The following SASH1 variants were observed in gnomAD, a reference collection of about 807,000 sequenced individuals.
The protein encoded by SASH1 is SAM and SH3 domain containing 1, also known as SAM and SH3 domain-containing protein 1.
A neutral mutation model predicts 125.2 loss-of-function variants in SASH1; 44 were observed. That is an observed-to-expected ratio of 0.35 (90% CI 0.28 to 0.45). SASH1 has a LOEUF of 0.45. Ranked by LOEUF, SASH1 falls within the 20% of genes least tolerant of loss-of-function variation. SASH1 has a pLI of 1.00. For synonymous variants in SASH1, 639 were observed against 649.1 expected (o/e 0.98, Z 0.24); for missense variants, 1,426 against 1,614.5 (o/e 0.88, Z 2.00).
chr6:148,206,268 T>C, the SASH1 span, among the ~76,000 whole-genome samples: 2 of 152,134 alleles, frequency 1.3e-5, no homozygotes, highest in African/African-American at 4.8e-5. Context: ...CCTAGAAACA[T>C]ACCTTCATAA....
chr6:148,207,168 G>A, the SASH1 span, among the ~76,000 whole-genome samples: 1 of 152,150 alleles, frequency 6.6e-6, no homozygotes, highest in Non-Finnish European at 1.5e-5. Context: ...ATGTCCTCCA[G>A]AGCAGCACTG....
At chr6:148,292,008 T>C (rs1779648192) in intron 1 of SASH1, among the ~76,000 whole-genome samples, 1 of 152,054 alleles carries the variant, frequency 6.6e-6, no homozygotes, top group Non-Finnish European at 1.5e-5. Context: ...GTGGCTAGCA[T>C]CTTTAACACT....
intron 2 of SASH1, among the ~76,000 whole-genome samples, chr6:148,400,583 C>T (rs1393011147): frequency 6.6e-6 from 1 of 151,998 alleles, no homozygotes; most frequent in African/African-American, 2.4e-5. Context: ...AACCCTGTCT[C>T]TACAAAAAAA....
In SASH1 at chr6:148,407,249, C is replaced by T. The variant is rs150230861; in HGVS notation, c.285+16987C>T. ...AACAACTCCCTATTTCCCCTCCTCA[C>T]ATCTCCTGGCAGCCACCATTCTACT... On this transcript the variant is annotated intron_variant, in intron 2 of 19. Transcript: ENST00000367467. 5.3e-3 allele frequency among the ~76,000 whole-genome samples: 802 copies of T among 152,288 alleles called. 7 individuals carry two copies. The highest frequency in any genetic ancestry group is 0.018 in the African/African-American group (753 of 41,564).
chr6:148,547,623 T>C (rs1417282162), intron 19 of SASH1, among the ~76,000 whole-genome samples: 1 of 152,228 alleles, frequency 6.6e-6, no homozygotes, highest in Non-Finnish European at 1.5e-5. Context: ...TAAATCTTTG[T>C]AGACTTTAAA....
At position 148,455,633 on chromosome 6, in the gene SASH1, T is replaced by C. The variant is rs113873869; in HGVS notation, c.387-12912T>C. Among the ~76,000 whole-genome samples, 780 of 152,276 alleles carry C rather than the reference T, an allele frequency of 5.1e-3. 7 individuals carry two copies. The highest frequency in any genetic ancestry group is 0.018 in the African/African-American group (739 of 41,572). On this transcript the variant is annotated intron_variant, in intron 4 of 19. Transcript: ENST00000367467. ...TGCTTGGGAATTTAAAAATGAGATC[T>C]GAGAAGACAGGAAAACTTGAGTTTC...
chr6:148,487,140 T>C (rs1284322733), intron 7 of SASH1, among the ~76,000 whole-genome samples: 1 of 148,148 alleles, frequency 6.8e-6, no homozygotes, highest in Admixed American at 6.8e-5. Context: ...TGTGTATGTT[T>C]CAGGGTTTGA....
At chr6:148,545,657 T>C (rs1369104027) in intron 18 of SASH1, among the ~76,000 whole-genome samples, 2 of 152,278 alleles carry the variant, frequency 1.3e-5, no homozygotes, top group Admixed American at 1.3e-4. Context: ...GGAATAATTG[T>C]GTTCTGCCTT....
rs927002428 is a variant in SASH1, at chr6:148,519,301, G to A, written c.863-246G>A. Among the ~76,000 whole-genome samples, 8 of 152,170 alleles carry A rather than the reference G, an allele frequency of 5.3e-5. No individual in the cohort carries two copies. The highest frequency in any genetic ancestry group is 9.7e-5 in the African/African-American group (4 of 41,442). On this transcript the variant is annotated intron_variant, in intron 9 of 19. Coordinates refer to ENST00000367467, the MANE Select transcript of SASH1 (RefSeq NM_015278.5). The surrounding 1 kb of genome is among the most constrained non-coding windows in gnomAD (Gnocchi z 4.8). ...ATTTTGCAAACGGCATTTTAAATAC[G>A]CCTGTGAAGGTGTTAGGTCTACAAA...
the SASH1 span, among the ~76,000 whole-genome samples, chr6:148,200,484 G>T: frequency 2.0e-5 from 3 of 152,202 alleles, no homozygotes; most frequent in African/African-American, 7.2e-5. Context: ...GACCTCTGCT[G>T]TGTTTCTGTC....
intron 2 of SASH1, among the ~76,000 whole-genome samples, chr6:148,424,953 G>A (rs1369089643): frequency 2.0e-5 from 3 of 152,192 alleles, no homozygotes; most frequent in Non-Finnish European, 4.4e-5. Context: ...GGATTGCAAG[G>A]CACTAAGTTT....
the SASH1 span, among the ~76,000 whole-genome samples, chr6:148,245,387 T>TAGAGACC: frequency 2.0e-5 from 3 of 152,206 alleles, no homozygotes; most frequent in African/African-American, 7.2e-5. Flanking sequence ...GATACAAAGA[T>TAGAGACC]AGAGACCAGA....
At position 148,277,041 on chromosome 6, in the gene SASH1, G is replaced by T. The variant is rs193196753; in HGVS notation, n.74+4664G>T. On this transcript the variant is annotated intron_variant and non_coding_transcript_variant, in intron 1 of 3. Coordinates refer to the SASH1 transcript ENST00000367469. ...ACTCATTTAATCCTCACAACAACAC[G>T]GTGTGGTAGACACATAAAAATCCCT... Among the ~76,000 whole-genome samples the T allele has an allele frequency of 2.1e-3, 323 of 152,210 alleles. 1 individual carries two copies. The highest frequency in any genetic ancestry group is 7.1e-3 in the African/African-American group (295 of 41,522).
intron 2 of SASH1, among the ~76,000 whole-genome samples, chr6:148,438,080 G>A (rs907672091): frequency 1.3e-5 from 2 of 152,178 alleles, no homozygotes; most frequent in Non-Finnish European, 2.9e-5. Context: ...AATTGAACCA[G>A]TCACTTTTGC....
the SASH1 span, among the ~76,000 whole-genome samples, chr6:148,217,315 A>G: frequency 6.6e-6 from 1 of 152,154 alleles, no homozygotes; most frequent in Admixed American, 6.5e-5. Context: ...ATAGCATAGG[A>G]TTGTTGTAAG....
intron 1 of SASH1, among the ~76,000 whole-genome samples, chr6:148,325,843 C>T (rs1281266765): frequency 6.6e-6 from 1 of 152,068 alleles, no homozygotes; most frequent in Non-Finnish European, 1.5e-5. Context: ...AGCCAATCCA[C>T]AGTATTTGCC....
At chr6:148,382,479 G>A (rs143854678) in intron 1 of SASH1, among the ~76,000 whole-genome samples, 3 of 152,206 alleles carry the variant, frequency 2.0e-5, no homozygotes, top group African/African-American at 4.8e-5. Context: ...TAGTAGAGAC[G>A]GAGTTTCTCC....
At chr6:148,361,902 C>A (rs1404597328) in intron 1 of SASH1, among the ~76,000 whole-genome samples, 1 of 137,640 alleles carries the variant, frequency 7.3e-6, no homozygotes, top group South Asian at 2.5e-4. Context: ...TTTCTTTTTT[C>A]TTTTTCTTTT....
intron 8 of SASH1, 99 bp downstream of exon 8, chr6:148,487,814 G>A (rs779462067): frequency 3.1e-5 from 25 of 795,328 alleles, no homozygotes; most frequent in Middle Eastern, 3.1e-4. Context: ...CTTCCGACTC[G>A]CACCTGGGTC....
Sources: gnomAD v4.1 joint callset for allele counts (sites outside exome capture counted in the v4.1 genomes callset) on GRCh38, gnomAD v4.1.1 for gene constraint, Gnocchi (gnomAD v3.1) non-coding constraint, MANE v1.5 for transcripts, NCBI Gene and HGNC (gene_info 2026-07-23, HGNC 2026-07-21) for gene names.